The following ZFYVE9 variants were observed in gnomAD, a reference collection of about 807,000 sequenced individuals.
ZFYVE9 encodes the protein zinc finger FYVE-type containing 9.
A neutral mutation model predicts 126.7 loss-of-function variants in ZFYVE9; 43 were observed. The observed-to-expected ratio is 0.34, with a 90% CI of 0.27 to 0.44. ZFYVE9 has a LOEUF of 0.44. ZFYVE9 is among the 20% of genes least tolerant of loss of function. The pLI, the probability that ZFYVE9 is intolerant of heterozygous loss-of-function variation, is 1.00. For missense variants in ZFYVE9, 1,476 were observed against 1,697.0 expected (o/e 0.87, Z 2.29); for synonymous variants, 521 against 597.4 (o/e 0.87, Z 1.87).
At chr1:52,276,265 T>C (rs1269512452) in intron 8 of ZFYVE9, among the ~76,000 whole-genome samples, 1 of 152,230 alleles carries the variant, frequency 6.6e-6, no homozygotes, top group African/African-American at 2.4e-5. Flanking sequence ...TTATCAACTT[T>C]ATTTCCAGCT....
chr1:52,229,899 G>A (rs990324668), intron 2 of ZFYVE9, among the ~76,000 whole-genome samples: 3 of 148,732 alleles, frequency 2.0e-5, no homozygotes, highest in East Asian at 4.0e-4. Context: ...ACGGAGTCTC[G>A]CTCTGTCGCC....
intron 10 of ZFYVE9, among the ~76,000 whole-genome samples, chr1:52,287,342 A>G (rs185733622): frequency 6.6e-6 from 1 of 152,010 alleles, no homozygotes; most frequent in African/African-American, 2.4e-5. Flanking sequence ...TGAACTCCCA[A>G]CCTCAGGTGA....
At chr1:52,255,274 G>A (rs1645492591) in intron 4 of ZFYVE9, among the ~76,000 whole-genome samples, 1 of 152,088 alleles carries the variant, frequency 6.6e-6, no homozygotes, top group Admixed American at 6.5e-5. Flanking sequence ...ATGTCTGAAG[G>A]AAACATATTT....
At chr1:52,226,429 G>A (rs12125654) in intron 2 of ZFYVE9, among the ~76,000 whole-genome samples, 315 of 152,220 alleles carry the variant, frequency 2.1e-3, no homozygotes, top group Admixed American at 5.6e-3. Context: ...CCAGCTACTC[G>A]GGAGGCTGAG....
intron 4 of ZFYVE9, chr1:52,253,780 TG>T (rs1259647711): frequency 1.2e-6 from 2 of 1,606,792 alleles, no homozygotes; most frequent in African/African-American, 2.7e-5. Flanking sequence ...AGAAACTTAT[TG>T]GCAATCAGAT....
Position 52,239,187 on chromosome 1 carries a change from A to G in ZFYVE9, c.1770A>G (p.Gln590=), listed in dbSNP as rs1239130337. The change falls in exon 4 of 19, where the codon CAA becomes CAG. Residue 590 remains glutamine, a synonymous_variant. Transcript: ENST00000287727. The part of the protein sequence containing the change: ...RPKQPSNLKL[Q]IPKPLSDHLQ... ...AGCAACCTTCTAATCTTAAACTTCA[A>G]ATTCCAAAGCCATTATCAGACCATT... is the stretch of plus-strand genomic sequence containing the variant. 2 of 1,613,996 alleles carry G rather than the reference A, an allele frequency of 1.2e-6. No individual in the cohort carries two copies. Among genetic ancestry groups the G allele is most frequent in the African/African-American group, 1.3e-5 (1 of 74,932 alleles).
In ZFYVE9 at chr1:52,194,635, GAAATA is replaced by G. The variant is rs1169555053; in HGVS notation, c.-142-21730_-142-21726del. ...AAATTCTTGTATATACCCATTTGAG[GAAATA>G]AAAACAAACAGCATGTTTGGTGGAA... On this transcript the variant is annotated intron_variant, in intron 1 of 18. Coordinates refer to ENST00000287727, the MANE Select transcript of ZFYVE9 (RefSeq NM_004799.4). 2.0e-5 allele frequency among the ~76,000 whole-genome samples: 3 copies of G among 152,136 alleles called. 1 individual carries two copies. In the East Asian group the frequency reaches 5.8e-4, roughly 29 times the overall value.
chr1:52,183,495 TTATTTATG>T (rs1177763442), intron 1 of ZFYVE9, among the ~76,000 whole-genome samples: 6 of 152,182 alleles, frequency 3.9e-5, no homozygotes, highest in African/African-American at 1.4e-4. Flanking sequence ...TTATTCAAAA[TTATTTATG>T]TATTTATTTG....
At position 52,268,479 on chromosome 1, in the gene ZFYVE9, G is replaced by A. The variant is rs1403150011; in HGVS notation, c.2472G>A (p.Glu824=). 5 of 1,614,080 alleles carry A rather than the reference G, an allele frequency of 3.1e-6. No individual in the cohort carries two copies. Among genetic ancestry groups the A allele is most frequent in the Admixed American group, 1.7e-5 (1 of 60,026 alleles). ...CCCCTCAAGTGGCTCAGCCCAGAGA[G>A]CAGAGGCGAGTTTGGTTTGCTGATG... ...HPGAEVAQPR[E]QRRVWFADGI... Residue 824 remains glutamate, a synonymous_variant, in exon 7 of 19, where the codon GAG becomes GAA. Coordinates refer to ENST00000287727, the MANE Select transcript of ZFYVE9 (RefSeq NM_004799.4).
chr1:52,177,053 A>T (rs540316361), intron 1 of ZFYVE9, among the ~76,000 whole-genome samples: 3 of 151,992 alleles, frequency 2.0e-5, no homozygotes, highest in African/African-American at 7.2e-5. Flanking sequence ...GGTACCTCAG[A>T]TGGAAATGCA....
At chr1:52,182,635 G>A (rs12035774) in intron 1 of ZFYVE9, among the ~76,000 whole-genome samples, 6 of 152,086 alleles carry the variant, frequency 3.9e-5, no homozygotes, top group Non-Finnish European at 7.4e-5. Context: ...GGTCCTCTGC[G>A]TAGGAAAACC....
chr1:52,282,831 T>G (rs566366258), intron 10 of ZFYVE9, among the ~76,000 whole-genome samples: 1 of 152,260 alleles, frequency 6.6e-6, no homozygotes, highest in South Asian at 2.1e-4. Flanking sequence ...TTTTGAGAAC[T>G]TTTTTTGGCC....
Position 52,176,744 on chromosome 1 carries a change from G to T in ZFYVE9, c.-143+34341G>T, listed in dbSNP as rs546564165. ...GCTGCCGCCTTGCAGTTTGATCTCA[G>T]GCTGCTGTGCTAGCAATCAGCGAGA... On this transcript the variant is annotated intron_variant, in intron 1 of 18. Coordinates refer to ENST00000287727, the MANE Select transcript of ZFYVE9 (RefSeq NM_004799.4). 1.7e-4 allele frequency among the ~76,000 whole-genome samples: 26 copies of T among 152,314 alleles called. No homozygotes were observed. In the East Asian group the frequency reaches 5.0e-3, roughly 29 times the overall value.
In ZFYVE9 at chr1:52,346,082, A is replaced by T; in HGVS notation, c.4139A>T (p.Asn1380Ile). ...SDQVGYQAGS[N>I]GQPLPSQYMN... ...TAGGTTGGCTATCAAGCAGGGAGCA[A>T]TGGCCAGCCCCTTCCCTCGCAGTAC... The change falls in exon 19 of 19, where the codon AAT becomes ATT. Residue 1380 changes from asparagine to isoleucine, a missense_variant. Transcript: ENST00000287727. 6.2e-7 allele frequency: 1 copy of T among 1,607,064 alleles called. No individual in the cohort carries two copies. Among genetic ancestry groups the T allele is most frequent in the Non-Finnish European group, 8.5e-7 (1 of 1,175,196 alleles).
chr1:52,244,731 A>G (rs183573612), intron 4 of ZFYVE9, among the ~76,000 whole-genome samples: 69 of 152,364 alleles, frequency 4.5e-4, no homozygotes, highest in African/African-American at 1.5e-3. Flanking sequence ...CCTTGGAGAT[A>G]TGATGAAATT....
chr1:52,174,126 G>C (rs970245997), intron 1 of ZFYVE9, among the ~76,000 whole-genome samples: 8 of 152,104 alleles, frequency 5.3e-5, no homozygotes, highest in East Asian at 3.9e-4. Flanking sequence ...TTCCTGCTTT[G>C]TCTTGTGGGC....
chr1:52,317,365 C>CA (rs1399991423), intron 13 of ZFYVE9, among the ~76,000 whole-genome samples: 2 of 151,138 alleles, frequency 1.3e-5, no homozygotes, highest in African/African-American at 2.4e-5. Context: ...ACTAAAAATA[C>CA]AAAAAAATTA....
At chr1:52,276,957 A>G (rs1645754360) in intron 8 of ZFYVE9, among the ~76,000 whole-genome samples, 1 of 152,188 alleles carries the variant, frequency 6.6e-6, no homozygotes, top group Non-Finnish European at 1.5e-5. Flanking sequence ...AATGCTGTCT[A>G]TATTGTACTC....
chr1:52,271,056 G>A (rs1309350193), intron 7 of ZFYVE9, among the ~76,000 whole-genome samples: 1 of 152,188 alleles, frequency 6.6e-6, no homozygotes, highest in African/African-American at 2.4e-5. Context: ...GGGCATGATG[G>A]CACATGCCTG....
Sources: gnomAD v4.1 joint callset for allele counts (sites outside exome capture counted in the v4.1 genomes callset) on GRCh38, gnomAD v4.1.1 for gene constraint, MANE v1.5 for transcripts, NCBI Gene and HGNC (gene_info 2026-07-23, HGNC 2026-07-21) for gene names.